SCRG1: variants seen among roughly 807,000 people sequenced by gnomAD.
SCRG1 encodes scrapie-responsive protein 1.
SCRG1 carries 3 observed loss-of-function variants against 7.7 expected under a neutral mutation model. That is an observed-to-expected ratio of 0.39 (90% CI 0.18 to 1.01). The LOEUF (loss-of-function observed/expected upper bound fraction) is 1.01, where lower values mean the gene tolerates loss of function less well. Ranked by LOEUF, SCRG1 falls within the 50% of genes least tolerant of loss-of-function variation. The probability of loss-of-function intolerance (pLI) is 0.36; values close to 1 mark genes in which losing one functional copy is unlikely to be tolerated. For missense variants in SCRG1, 110 were observed against 117.2 expected, an observed-to-expected ratio of 0.94 and a Z score of 0.28; for synonymous variants, 46 against 41.2, an observed-to-expected ratio of 1.12 and a Z score of -0.44.
At chr4:173,492,539 GGAAAC>G in the SCRG1 span, among the ~76,000 whole-genome samples, 15 of 152,164 alleles carry the variant, frequency 9.9e-5, no homozygotes, top group African/African-American at 2.7e-4. Flanking sequence ...GTTCAATACA[GGAAAC>G]AGAAAACTCT....
the SCRG1 span, among the ~76,000 whole-genome samples, chr4:173,436,151 G>A: frequency 6.6e-6 from 1 of 152,176 alleles, no homozygotes; most frequent in East Asian, 1.9e-4. Context: ...GTGGAGTCTG[G>A]TTTGGGTTAT....
the SCRG1 span, among the ~76,000 whole-genome samples, chr4:173,500,472 T>TTG: frequency 0.068 from 10,240 of 149,820 alleles, 379 homozygotes; most frequent in Non-Finnish European, 0.088. Context: ...TTAGTAAATT[T>TTG]TGTGTGTGTG....
rs879172607 is a variant in SCRG1, at chr4:173,391,116, T to C, written c.242+57A>G. On this transcript the variant is annotated intron_variant, in intron 2 of 2. Transcript: ENST00000296506. The stretch of plus-strand genomic sequence containing the variant: ...AGCAAACCTATTATGAAGATGTAGC[T>C]AAAAGTTGTTCTGCATACATTTCCA... 1.9e-6 allele frequency: 3 copies of C among 1,589,634 alleles called. No homozygotes were observed. In the South Asian group the frequency reaches 3.3e-5, roughly 18 times the overall value.
chr4:173,472,895 C>T, the SCRG1 span, among the ~76,000 whole-genome samples: 1 of 152,142 alleles, frequency 6.6e-6, no homozygotes, highest in Admixed American at 6.6e-5. Context: ...GAGATTCAAT[C>T]ACATGATTCA....
the SCRG1 span, among the ~76,000 whole-genome samples, chr4:173,477,718 C>A: frequency 5.5e-5 from 1 of 18,274 alleles, no homozygotes; most frequent in African/African-American, 1.0e-4. Context: ...TTCCTTCCTT[C>A]CTTCCTTCCT....
chr4:173,386,790 T>C lies in SCRG1; in HGVS notation c.*1551A>G, dbSNP rs1739260527. ...ACTTCTCTGTAGCAGGCTTCACATT[T>C]ATAAATAATTACTTGTTTATAGCAA... On this transcript the variant is annotated 3_prime_UTR_variant, in exon 3 of 3. Coordinates refer to ENST00000296506, the MANE Select transcript of SCRG1 (RefSeq NM_007281.4). The C allele has an allele frequency of 6.6e-6, 1 of 152,238 alleles. No individual in the cohort carries two copies. Among genetic ancestry groups the C allele is most frequent in the South Asian group, 2.1e-4 (1 of 4,832 alleles). 9.4% of individuals were successfully genotyped at this position (152,238 alleles called of 1,614,324 possible).
At chr4:173,455,403 C>T in the SCRG1 span, among the ~76,000 whole-genome samples, 6 of 152,258 alleles carry the variant, frequency 3.9e-5, no homozygotes, top group East Asian at 1.2e-3. Flanking sequence ...TTTTTGATGT[C>T]AAGAACCCCA....
chr4:173,461,158 G>A, the SCRG1 span, among the ~76,000 whole-genome samples: 162 of 152,386 alleles, frequency 1.1e-3, 1 homozygote, highest in African/African-American at 3.6e-3. Flanking sequence ...CTGCCCTGAA[G>A]GGAAGAACAC....
the SCRG1 span, among the ~76,000 whole-genome samples, chr4:173,515,586 C>CTGTGTG: frequency 2.0e-3 from 302 of 150,704 alleles, 1 homozygote; most frequent in African/African-American, 6.8e-3. This position sits in a 1 kb window ranked among gnomAD's most constrained non-coding sequence, Gnocchi z 4.6. Context: ...GTGTGTGTGT[C>CTGTGTG]TGTGTGTGTG....
chr4:173,400,679 G>T (rs1236458206), upstream of SCRG1, among the ~76,000 whole-genome samples: 1 of 152,078 alleles, frequency 6.6e-6, no homozygotes, highest in Non-Finnish European at 1.5e-5. Context: ...GTCTGAACTC[G>T]TTCACTCTCC....
chr4:173,388,310 G>C lies in SCRG1; in HGVS notation c.*31C>G, dbSNP rs758675135. On this transcript the variant is annotated 3_prime_UTR_variant, in exon 3 of 3. Coordinates refer to ENST00000296506, the MANE Select transcript of SCRG1 (RefSeq NM_007281.4). ...TGTAGTGCAGTTTGTGGGAAATCAG[G>C]AATGGTGTTCTCCAGAATACATGAA... The C allele has an allele frequency of 1.3e-6, 2 of 1,553,492 alleles. No individual in the cohort carries two copies. The highest frequency in any genetic ancestry group is 1.8e-6 in the Non-Finnish European group (2 of 1,127,698).
At chr4:173,424,266 T>A in the SCRG1 span, among the ~76,000 whole-genome samples, 1 of 152,220 alleles carries the variant, frequency 6.6e-6, no homozygotes, top group Non-Finnish European at 1.5e-5. Flanking sequence ...CTTCATACTA[T>A]TAGCATTTAG....
At chr4:173,479,449 T>TG in the SCRG1 span, among the ~76,000 whole-genome samples, 4 of 149,286 alleles carry the variant, frequency 2.7e-5, no homozygotes, top group South Asian at 2.2e-4. Context: ...TTTTGTTTTT[T>TG]TTTTTTTTTG....
At chr4:173,445,600 A>G in the SCRG1 span, among the ~76,000 whole-genome samples, 1 of 151,538 alleles carries the variant, frequency 6.6e-6, no homozygotes, top group Non-Finnish European at 1.5e-5. Flanking sequence ...AAAAGAAAAG[A>G]AAATACTCAT....
the SCRG1 span, among the ~76,000 whole-genome samples, chr4:173,497,751 A>G: frequency 6.7e-6 from 1 of 149,312 alleles, no homozygotes; most frequent in African/African-American, 2.5e-5. Flanking sequence ...GCTCACTGCA[A>G]CCTCAGTCTT....
chr4:173,471,287 C>T, the SCRG1 span, among the ~76,000 whole-genome samples: 10 of 152,164 alleles, frequency 6.6e-5, no homozygotes, highest in Admixed American at 2.0e-4. Flanking sequence ...CAGTTTTGGA[C>T]TAGAGAACCA....
chr4:173,419,463 A>G, the SCRG1 span: 1 of 907,212 alleles, frequency 1.1e-6, no homozygotes, highest in Non-Finnish European at 1.8e-6. Flanking sequence ...TTCTTTGTGT[A>G]TTGAGAGAAC....
intron 1 of SCRG1, among the ~76,000 whole-genome samples, chr4:173,394,051 G>GT (rs201849352): frequency 4.6e-4 from 69 of 150,300 alleles, no homozygotes; most frequent in Non-Finnish European, 2.8e-4. Context: ...GTTATATATT[G>GT]TTTTTTTTTC....
the SCRG1 span, chr4:173,470,054 CA>C: frequency 6.7e-6 from 1 of 150,142 alleles, no homozygotes; most frequent in Non-Finnish European, 1.5e-5. Flanking sequence ...GGAATGGGGA[CA>C]CGAGATAGAG....
Sources: allele counts gnomAD v4.1 joint callset (sites outside exome capture counted in the v4.1 genomes callset), GRCh38; gene constraint gnomAD v4.1.1; non-coding constraint Gnocchi (gnomAD v3.1); transcripts MANE v1.5; gene names NCBI Gene and HGNC (gene_info 2026-07-23, HGNC 2026-07-21).